NLGN4X: variants seen among roughly 807,000 people sequenced by gnomAD.
NLGN4X encodes neuroligin 4 X-linked.
NLGN4X carries 3 observed loss-of-function variants against 40.3 expected under a neutral mutation model. That is an observed-to-expected ratio of 0.07 (90% confidence interval 0.03 to 0.19). The LOEUF is 0.19. Ranked by LOEUF, NLGN4X falls within the 10% of genes least tolerant of loss-of-function variation. The pLI, the probability that NLGN4X is intolerant of heterozygous loss-of-function variation, is 1.00. For missense variants in NLGN4X, 382 were observed against 708.3 expected, an observed-to-expected ratio of 0.54 and a Z score of 5.23; for synonymous variants, 270 against 306.8, an observed-to-expected ratio of 0.88 and a Z score of 1.25.
At chrX:5,960,091 G>A (rs1323984613) in intron 3 of NLGN4X, among the ~76,000 whole-genome samples, 1 of 111,235 alleles carries the variant, frequency 9.0e-6, no homozygotes, top group East Asian at 2.8e-4. Context: ...CAGTGTTGTC[G>A]ATAAGTGTTC....
intron 2 of NLGN4X, among the ~76,000 whole-genome samples, chrX:6,147,011 C>T (rs940272108): frequency 3.6e-5 from 4 of 111,386 alleles, no homozygotes; most frequent in Non-Finnish European, 5.7e-5. Context: ...AGGCTGGTCA[C>T]GAATTCCTGA....
intron 1 of NLGN4X, among the ~76,000 whole-genome samples, chrX:6,169,699 G>A (rs2040565100): frequency 8.9e-6 from 1 of 112,394 alleles, no homozygotes; most frequent in African/African-American, 3.2e-5. Flanking sequence ...TGTGTGGTCG[G>A]AGAAACAGGA....
intron 2 of NLGN4X, among the ~76,000 whole-genome samples, chrX:6,108,534 C>A (rs2039080276): frequency 9.1e-6 from 1 of 110,119 alleles, no homozygotes; most frequent in Non-Finnish European, 1.9e-5. Context: ...AAAAAATTGG[C>A]TGGGCATGGT....
intron 1 of NLGN4X, among the ~76,000 whole-genome samples, chrX:6,221,387 T>C (rs1294919126): frequency 5.7e-5 from 3 of 53,023 alleles, no homozygotes; most frequent in African/African-American, 1.8e-4. Context: ...TTTTCCTTCT[T>C]ATATTATATA....
At chrX:6,084,012 A>G (rs115172404) in intron 2 of NLGN4X, among the ~76,000 whole-genome samples, 5,393 of 112,288 alleles carry the variant, frequency 0.048, 277 homozygotes, top group African/African-American at 0.15. Context: ...TGAAGTCAAG[A>G]ACAAATCCTA....
At chrX:6,169,689 T>C (rs1372144364) in intron 1 of NLGN4X, among the ~76,000 whole-genome samples, 2 of 112,322 alleles carry the variant, frequency 1.8e-5, no homozygotes, top group Non-Finnish European at 3.8e-5. Flanking sequence ...TTCAACCTCA[T>C]GTGTGGTCGG....
chrX:6,092,734 T>C (rs926767263), intron 2 of NLGN4X, among the ~76,000 whole-genome samples: 6 of 111,126 alleles, frequency 5.4e-5, no homozygotes, highest in African/African-American at 2.0e-4. Flanking sequence ...CACATAGAAA[T>C]GAAATAAATA....
chrX:6,175,140 G>A (rs1478624816), intron 1 of NLGN4X, among the ~76,000 whole-genome samples: 1 of 111,306 alleles, frequency 9.0e-6, no homozygotes, highest in Admixed American at 9.6e-5. Flanking sequence ...ATCCAACCTG[G>A]ATATAGAGAA....
Position 6,228,780 on chromosome X carries a change from G to C in NLGN4X, c.-545C>G, listed in dbSNP as rs1452882942. On this transcript the variant is annotated 5_prime_UTR_variant, in exon 1 of 6. Coordinates refer to ENST00000381095, the MANE Select transcript of NLGN4X (RefSeq NM_181332.3). ...AATAGTCTGTGGACGGGCAGAACAA[G>C]CATTACAATTGAAGCAGGAAGGGCC... 1.8e-5 allele frequency: 2 copies of C among 111,926 alleles called. No individual in the cohort carries two copies. The highest frequency in any genetic ancestry group is 7.5e-4 in the South Asian group (2 of 2,663). 9.2% of individuals were successfully genotyped at this position (111,926 alleles called of 1,213,427 possible). A position where few individuals can be genotyped will look rare whatever the true frequency, so the allele number is the denominator to read the frequency against.
At chrX:6,129,070 C>G (rs2039623533) in intron 2 of NLGN4X, among the ~76,000 whole-genome samples, 1 of 111,387 alleles carries the variant, frequency 9.0e-6, no homozygotes, top group Non-Finnish European at 1.9e-5. Context: ...CCATCCACAG[C>G]TAATGGGGTG....
intron 2 of NLGN4X, among the ~76,000 whole-genome samples, chrX:6,100,774 C>T (rs1319960980): frequency 1.9e-5 from 2 of 105,983 alleles, no homozygotes; most frequent in African/African-American, 6.9e-5. Flanking sequence ...GGCCTAGACT[C>T]TGCAAGGTAG....
At chrX:6,061,274 T>C (rs780731518) in intron 2 of NLGN4X, among the ~76,000 whole-genome samples, 149 of 111,432 alleles carry the variant, frequency 1.3e-3, no homozygotes, top group African/African-American at 4.5e-3. Context: ...CTTTAGTGGC[T>C]GTGGATGTCG....
intron 3 of NLGN4X, among the ~76,000 whole-genome samples, chrX:6,008,200 T>C (rs1216272360): frequency 8.9e-6 from 1 of 112,264 alleles, no homozygotes; most frequent in Admixed American, 9.5e-5. Context: ...TAGAAATTTT[T>C]CATGTTCGCA....
rs1477324412 is a variant in NLGN4X at position 5,893,396 on chromosome X, G to A, written c.1872C>T (p.Gly624=). 8.3e-7 allele frequency: 1 copy of A among 1,207,890 alleles called. No homozygotes were observed. The highest frequency in any genetic ancestry group is 1.8e-5 in the African/African-American group (1 of 56,200). ...PPPDMTSFPY[G]TRRSPAKIWP... is the part of the protein sequence containing the mutation. ...ATATCTTGGCGGGAGATCGCCGGGT[G>A]CCATAGGGAAATGATGTCATGTCTG... Residue 624 remains glycine (G), a synonymous_variant, in exon 6 of 6, where the codon GGC becomes GGT. Coordinates refer to ENST00000381095, the MANE Select transcript of NLGN4X (RefSeq NM_181332.3).
At chrX:5,961,702 C>A (rs1352100403) in intron 3 of NLGN4X, among the ~76,000 whole-genome samples, 3 of 111,981 alleles carry the variant, frequency 2.7e-5, no homozygotes, top group Non-Finnish European at 5.6e-5. Flanking sequence ...ATGTCAATGT[C>A]AATTTGAAAT....
chrX:6,214,964 A>G (rs1010632247), intron 1 of NLGN4X, among the ~76,000 whole-genome samples: 3 of 112,150 alleles, frequency 2.7e-5, no homozygotes, highest in Non-Finnish European at 5.6e-5. Context: ...AGGTGCATTC[A>G]TCATAACTCA....
At chrX:6,088,763 T>C (rs191024114) in intron 2 of NLGN4X, among the ~76,000 whole-genome samples, 8 of 112,194 alleles carry the variant, frequency 7.1e-5, no homozygotes. Flanking sequence ...CATTTGGATG[T>C]TATTAATGAT....
At chrX:6,051,111 A>C (rs1949759060) in intron 2 of NLGN4X, among the ~76,000 whole-genome samples, 1 of 111,835 alleles carries the variant, frequency 8.9e-6, no homozygotes, top group South Asian at 3.7e-4. Context: ...TCCTATGTGG[A>C]AATATATAAC....
At chrX:6,195,147 TATA>T (rs1314698041) in intron 1 of NLGN4X, among the ~76,000 whole-genome samples, 7 of 112,163 alleles carry the variant, frequency 6.2e-5, no homozygotes, top group Non-Finnish European at 9.4e-5. Flanking sequence ...AATAATAAGT[TATA>T]ATAGCTAATA....
Sources: gnomAD v4.1 joint callset for allele counts (sites outside exome capture counted in the v4.1 genomes callset) on GRCh38, gnomAD v4.1.1 for gene constraint, MANE v1.5 for transcripts, NCBI Gene and HGNC (gene_info 2026-07-23, HGNC 2026-07-21) for gene names.